The following CALCR variants were observed in gnomAD, a reference collection of about 807,000 sequenced individuals.
CALCR encodes the protein calcitonin receptor.
A neutral mutation model predicts 59.5 loss-of-function variants in CALCR; 47 were observed. The ratio of observed to expected loss-of-function variants is 0.79; its 90% CI spans 0.63 to 1.01. The LOEUF (loss-of-function observed/expected upper bound fraction) is 1.01. Among genes scored for constraint, CALCR ranks in the 50% least tolerant of loss-of-function variants. The pLI is 0.00. For missense variants in CALCR, 566 were observed against 597.1 expected (o/e 0.95, Z 0.54); for synonymous variants, 213 against 211.3 (o/e 1.01, Z -0.07).
chr7:93,448,825 C>A (rs888897683), intron 8 of CALCR, among the ~76,000 whole-genome samples: 2 of 151,850 alleles, frequency 1.3e-5, no homozygotes, highest in Admixed American at 1.3e-4. Context: ...TGGCGGGCTG[C>A]AATACAGGCT....
intron 7 of CALCR, among the ~76,000 whole-genome samples, chr7:93,462,274 A>C (rs1333946664): frequency 5.9e-5 from 9 of 152,118 alleles, no homozygotes; most frequent in Admixed American, 5.2e-4. Flanking sequence ...TAGAATTTAC[A>C]TCCATGAGGC....
At position 93,460,831 on chromosome 7, in the gene CALCR, C is replaced by A. The variant is rs745665580; in HGVS notation, c.638G>T (p.Arg213Leu). The change falls in exon 8 of 14, where the codon CGA (arginine) becomes CTA (leucine). Residue 213 changes from arginine to leucine, a missense_variant. Arg to Leu is a moderately radical substitution (Grantham distance 102, BLOSUM62 -2). Coordinates refer to ENST00000426151, the MANE Select transcript of CALCR (RefSeq NM_001742.4). ...VEVVPNGELV[R>L]RDPVSCKILH... The stretch of plus-strand genomic sequence containing the variant: ...CTATGCAGTACTTACCGGGTCCCTT[C>A]GCACGAGCTCTCCATTGGGTACTAC... 2 of 1,606,722 alleles carry A rather than the reference C, an allele frequency of 1.2e-6. No homozygotes were observed. The highest frequency in any genetic ancestry group is 2.7e-5 in the African/African-American group (2 of 74,202).
chr7:93,442,989 C>T (rs992417590), intron 9 of CALCR, among the ~76,000 whole-genome samples: 6 of 152,130 alleles, frequency 3.9e-5, no homozygotes, highest in African/African-American at 9.6e-5. Context: ...TGAAGGACTT[C>T]AGCACCCTGC....
At position 93,479,489 on chromosome 7, in the gene CALCR, G is replaced by C. The variant is rs1380288617; in HGVS notation, c.70C>G (p.Pro24Ala). 2.1e-5 allele frequency: 34 copies of C among 1,612,118 alleles called. No homozygotes were observed. The highest frequency in any genetic ancestry group is 2.6e-5 in the Non-Finnish European group (31 of 1,178,910). Residue 24 changes from proline (P) to alanine (A), a missense_variant, in exon 4 of 14, where the codon CCT becomes GCT. Physicochemically the swap from Pro to Ala is conservative, Grantham distance 27 (BLOSUM62 -1). Transcript: ENST00000426151. ...GGATAGGTTTGATTTGAAAAGGCAGGAAGAATTGGGGTTGGGTGCTGTATT... is the reference window on the plus strand; with the variant it reads ...GGATAGGTTTGATTTGAAAAGGCAGCAAGAATTGGGGTTGGGTGCTGTATT... ...LLLNHPTPIL[P>A]AFSNQTYPTI...
At position 93,538,617 on chromosome 7, in the gene CALCR, TTTTTTGTTTTTG is replaced by T. The variant is rs375922520; in HGVS notation, c.-27+35660_-27+35671del. On this transcript the variant is annotated intron_variant, in intron 2 of 13. Transcript: ENST00000426151. ...CTATATTCTGGTGATACTTAACCTG[TTTTTTGTTTTTG>T]TTTTTGTTTTTGTTTTGGATTGCAG... is the stretch of plus-strand genomic sequence containing the variant. Among the ~76,000 whole-genome samples the T allele has an allele frequency of 2.4e-4, 36 of 152,090 alleles. 1 individual carries two copies. In the South Asian group the frequency reaches 6.4e-3, roughly 27 times the overall value.
chr7:93,529,039 T>C (rs1371400289), intron 2 of CALCR, among the ~76,000 whole-genome samples: 1 of 152,218 alleles, frequency 6.6e-6, no homozygotes, highest in African/African-American at 2.4e-5. Flanking sequence ...CATTCGTGCA[T>C]GGATGAATGA....
chr7:93,497,783 A>AT (rs1338528771), intron 2 of CALCR, among the ~76,000 whole-genome samples: 1 of 151,556 alleles, frequency 6.6e-6, no homozygotes, highest in Admixed American at 6.6e-5. Flanking sequence ...GATCTCTATT[A>AT]TATCTATTTA....
chr7:93,424,506 A>ATAT lies in CALCR; in HGVS notation c.*1847_*1849dup, dbSNP rs1275344473. On this transcript the variant is annotated 3_prime_UTR_variant, in exon 14 of 14. Coordinates refer to ENST00000426151, the MANE Select transcript of CALCR (RefSeq NM_001742.4). ...ATGAATGAATGAAAAGATGAATAATATATTTCTTTAGAAAAATATGCAAAT... is the reference window on the plus strand; with the variant it reads ...ATGAATGAATGAAAAGATGAATAATATATTATTTCTTTAGAAAAATATGCAAAT... 6.6e-6 allele frequency: 1 copy of ATAT among 152,450 alleles called. No individual in the cohort carries two copies. Among genetic ancestry groups the ATAT allele is most frequent in the Non-Finnish European group, 1.5e-5 (1 of 67,996 alleles). 9.4% of individuals were successfully genotyped at this position (152,450 alleles called of 1,614,324 possible). A position where few individuals can be genotyped will look rare whatever the true frequency, so the allele number is the denominator to read the frequency against.
intron 6 of CALCR, 120 bp downstream of exon 6, chr7:93,472,255 T>C (rs1800567917): frequency 1.4e-5 from 9 of 628,660 alleles, no homozygotes; most frequent in Non-Finnish European, 2.6e-5. Context: ...AGTTATCATA[T>C]GATTTCTTTC....
At chr7:93,563,462 T>G (rs942095418) in intron 2 of CALCR, among the ~76,000 whole-genome samples, 1 of 152,154 alleles carries the variant, frequency 6.6e-6, no homozygotes, top group African/African-American at 2.4e-5. Context: ...ATCACACCTT[T>G]AAAAGAGTAA....
At chr7:93,526,182 C>T (rs1323055381) in intron 2 of CALCR, among the ~76,000 whole-genome samples, 6 of 152,020 alleles carry the variant, frequency 3.9e-5, no homozygotes, top group Admixed American at 6.6e-5. Context: ...TGAACTGGAT[C>T]GTTTTTGTTT....
chr7:93,474,169 T>C (rs1800615978), intron 5 of CALCR, among the ~76,000 whole-genome samples: 1 of 151,754 alleles, frequency 6.6e-6, no homozygotes, highest in African/African-American at 2.4e-5. Flanking sequence ...TATCTGAGAT[T>C]CTGGGTAAAG....
At chr7:93,459,334 G>A (rs375194240) in intron 8 of CALCR, among the ~76,000 whole-genome samples, 80 of 152,076 alleles carry the variant, frequency 5.3e-4, no homozygotes, top group African/African-American at 1.8e-3. Context: ...CCTGCTCCCC[G>A]CTCCAATCAG....
chr7:93,472,336 A>C (rs1800569394), intron 6 of CALCR, 39 bp downstream of exon 6: 3 of 1,144,514 alleles, frequency 2.6e-6, no homozygotes, highest in African/African-American at 3.1e-5. Flanking sequence ...ACAAATAATG[A>C]CATTCTCACT....
intron 2 of CALCR, among the ~76,000 whole-genome samples, chr7:93,515,943 G>T (rs1205995205): frequency 6.6e-6 from 1 of 151,670 alleles, no homozygotes; most frequent in Non-Finnish European, 1.5e-5. Context: ...GGATCTAAAA[G>T]AATTCTTTCA....
At chr7:93,476,492 T>C (rs1287491911) in intron 5 of CALCR, among the ~76,000 whole-genome samples, 3 of 151,936 alleles carry the variant, frequency 2.0e-5, no homozygotes, top group African/African-American at 7.2e-5. Flanking sequence ...TTGGAATATA[T>C]GTATATATTT....
chr7:93,455,839 A>G (rs906589096), intron 8 of CALCR, among the ~76,000 whole-genome samples: 3 of 152,160 alleles, frequency 2.0e-5, no homozygotes, highest in African/African-American at 7.2e-5. Context: ...CTATGACAGA[A>G]TATGGATTTT....
intron 2 of CALCR, among the ~76,000 whole-genome samples, chr7:93,531,955 C>T (rs753191886): frequency 6.6e-6 from 1 of 151,806 alleles, no homozygotes; most frequent in Non-Finnish European, 1.5e-5. Flanking sequence ...TAACAATGAT[C>T]ATGAATGTGA....
Position 93,528,214 on chromosome 7 carries a change from G to A in CALCR, c.-26-41207C>T, listed in dbSNP as rs147587287. Among the ~76,000 whole-genome samples, 119 of 152,246 alleles carry A rather than the reference G, an allele frequency of 7.8e-4. 2 individuals carry two copies. The East Asian group carries it at 0.019, about 24-fold the overall frequency. On this transcript the variant is annotated intron_variant, in intron 2 of 13. Transcript: ENST00000426151. ...TACTACACTCATTTATGCATTACCA[G>A]TGCCTAGAACAATGTCTGTTCAAAG...
Sources: allele counts gnomAD v4.1 joint callset (sites outside exome capture counted in the v4.1 genomes callset), GRCh38; gene constraint gnomAD v4.1.1; transcripts MANE v1.5; gene names NCBI Gene and HGNC (gene_info 2026-07-23, HGNC 2026-07-21).